SMG1: variants seen among roughly 807,000 people sequenced by gnomAD.
The protein encoded by SMG1 is SMG1 nonsense mediated mRNA decay associated PI3K related kinase.
SMG1 carries 22 observed loss-of-function variants against 419.9 expected under a neutral mutation model. That is an observed-to-expected ratio of 0.05 (90% CI 0.04 to 0.07). The LOEUF (loss-of-function observed/expected upper bound fraction) is 0.07, where lower values mean the gene tolerates loss of function less well. Among genes scored for constraint, SMG1 ranks in the 10% least tolerant of loss-of-function variants. The pLI is 1.00. For missense variants in SMG1, 3,185 were observed against 4,342.0 expected (o/e 0.73, Z 7.49); for synonymous variants, 1,538 against 1,553.5 (o/e 0.99, Z 0.23).
chr16:18,920,257 C>T (rs1191388813), intron 1 of SMG1, among the ~76,000 whole-genome samples: 2 of 151,682 alleles, frequency 1.3e-5, no homozygotes, highest in East Asian at 1.9e-4. Context: ...TGGCACATGC[C>T]GGTAATCTGA....
chr16:18,828,946 C>T (rs2032957991), intron 54 of SMG1, among the ~76,000 whole-genome samples: 3 of 151,172 alleles, frequency 2.0e-5, no homozygotes, highest in African/African-American at 7.3e-5. Context: ...TGCGGTGAGC[C>T]GAGATCGCGC....
Position 18,817,362 on chromosome 16 carries a change from G to C in SMG1, c.10003C>G (p.Gln3335Glu). The change falls in exon 57 of 63, where the codon CAG becomes GAG. Residue 3335 changes from glutamine to glutamate, a missense_variant. Gln to Glu is a conservative substitution (Grantham distance 29, BLOSUM62 2). Coordinates refer to ENST00000446231, the MANE Select transcript of SMG1 (RefSeq NM_015092.5). The part of the protein sequence containing the change: ...ALFELIKRCQ[Q>E]MCSFASQFNS... ...AACTGTGATGCAAACGAACACATCT[G>C]CTGACATCGCTTGATTAGTTCAAAT... The C allele has an allele frequency of 6.2e-7, 1 of 1,611,754 alleles. No individual in the cohort carries two copies. Among genetic ancestry groups the C allele is most frequent in the Non-Finnish European group, 8.5e-7 (1 of 1,178,902 alleles).
Position 18,841,814 on chromosome 16 carries a change from A to G in SMG1, c.6467-20T>C. On this transcript the variant is annotated intron_variant, in intron 40 of 62. Transcript: ENST00000446231. ...CCAGTCCTATGAAAACAAAATTAAA[A>G]TAGCTAGGATAGGTGATTAAACAGG... The G allele has an allele frequency of 6.3e-7, 1 of 1,595,540 alleles. No homozygotes were observed. Among genetic ancestry groups the G allele is most frequent in the Non-Finnish European group, 8.6e-7 (1 of 1,163,276 alleles).
intron 1 of SMG1, among the ~76,000 whole-genome samples, chr16:18,909,179 C>A (rs1044209626): frequency 6.7e-6 from 1 of 150,154 alleles, no homozygotes; most frequent in Non-Finnish European, 1.5e-5. Flanking sequence ...CCTGTCTCCA[C>A]TAAAAATACA....
intron 22 of SMG1, among the ~76,000 whole-genome samples, chr16:18,867,062 GAAAGC>G (rs1830983435): frequency 6.6e-6 from 1 of 152,134 alleles, no homozygotes; most frequent in African/African-American, 2.4e-5. Flanking sequence ...GGAGTAAAAA[GAAAGC>G]AAAAATTAAA....
rs191377002 is a variant in SMG1 at position 18,814,149 on chromosome 16, G to T, written c.10621+1026C>A. ...GTCATTTTTAAAAAGATTATTTAAT[G>T]ACTGAAAAATTATTAACTGGAAAGG... On this transcript the variant is annotated intron_variant, in intron 60 of 62. Coordinates refer to ENST00000446231, the MANE Select transcript of SMG1 (RefSeq NM_015092.5). 4.9e-3 allele frequency among the ~76,000 whole-genome samples: 685 copies of T among 140,668 alleles called. 2 individuals carry two copies. The highest frequency in any genetic ancestry group is 0.025 in the Middle Eastern group (7 of 284). The allele number at this position is 140,668 out of a possible 152,430, so 92.3% of individuals were successfully genotyped here. A position where few individuals can be genotyped will look rare whatever the true frequency, so the allele number is the denominator to read the frequency against.
At position 18,809,656 on chromosome 16, in the gene SMG1, T is replaced by A; in HGVS notation, c.10909-10A>T. 1 of 1,581,270 alleles carries A rather than the reference T, an allele frequency of 6.3e-7. No individual in the cohort carries two copies. Among genetic ancestry groups the A allele is most frequent in the Non-Finnish European group, 8.6e-7 (1 of 1,158,498 alleles). On this transcript the variant is annotated splice_polypyrimidine_tract_variant and intron_variant, in intron 62 of 62. Coordinates refer to ENST00000446231, the MANE Select transcript of SMG1 (RefSeq NM_015092.5). ...TAATGACATAGTCAACCTGTAAAAA[T>A]AGGCAGGATAGTATGTAAAGTCATT...
chr16:18,912,202 G>A (rs866932899), intron 1 of SMG1, among the ~76,000 whole-genome samples: 3 of 125,356 alleles, frequency 2.4e-5, no homozygotes, highest in African/African-American at 9.1e-5. Context: ...TTTTTTTTTT[G>A]AAAAAGAAAA....
At position 18,836,225 on chromosome 16, in the gene SMG1, G is replaced by C. The variant is rs374813959; in HGVS notation, c.7778-13C>G. On this transcript the variant is annotated splice_polypyrimidine_tract_variant and intron_variant, in intron 47 of 62. Transcript: ENST00000446231. Reference sequence around the variant, plus strand: ...TAACTTGGAGGACCTTTTGGTAAAAGACATTATTAAACACAGTAAAACAGG... The same window carrying C: ...TAACTTGGAGGACCTTTTGGTAAAACACATTATTAAACACAGTAAAACAGG... 1.9e-6 allele frequency: 3 copies of C among 1,609,664 alleles called. No individual in the cohort carries two copies. In the African/African-American group the frequency reaches 4.0e-5, roughly 22 times the overall value.
chr16:18,881,100 A>G (rs1267259355), intron 10 of SMG1, among the ~76,000 whole-genome samples: 2 of 151,280 alleles, frequency 1.3e-5, no homozygotes, highest in African/African-American at 2.4e-5. Context: ...CCTGGGTGAC[A>G]GAGTGAGGCT....
At chr16:18,829,843 T>C (rs944458563) in intron 53 of SMG1, 83 bp downstream of exon 53, 3 of 1,426,536 alleles carry the variant, frequency 2.1e-6, no homozygotes, top group Non-Finnish European at 2.8e-6. Flanking sequence ...CATGAATGTA[T>C]AATTAAATTA....
rs368895468 is a variant in SMG1 at position 18,892,287 on chromosome 16, G to A, written c.480C>T (p.Asp160=). ...CAGTAGCCAATCTTCGGTCTCTGTC[G>A]TCTTCCCGGGTGATCCTCCGAAGAA... ...SNLLRRITRE[D]DRDRRLATVK... is the part of the protein sequence containing the mutation. Residue 160 remains aspartate (D), a synonymous_variant, in exon 4 of 63, where the codon GAC becomes GAT. Coordinates refer to ENST00000446231, the MANE Select transcript of SMG1 (RefSeq NM_015092.5). The A allele has an allele frequency of 9.3e-5, 145 of 1,550,942 alleles. No homozygotes were observed. The African/African-American group carries it at 1.3e-3, about 14-fold the overall frequency.
intron 11 of SMG1, 99 bp downstream of exon 11, chr16:18,879,396 T>C (rs936900991): frequency 8.4e-7 from 1 of 1,190,944 alleles, no homozygotes; most frequent in Non-Finnish European, 1.2e-6. Context: ...ATTACAAGCA[T>C]GAGCCACCAT....
chr16:18,837,937 T>C, intron 45 of SMG1, 77 bp downstream of exon 45: 1 of 1,459,502 alleles, frequency 6.9e-7, no homozygotes, highest in South Asian at 1.2e-5. Context: ...AGAAACAATT[T>C]GCCTCAACAT....
Position 18,815,704 on chromosome 16 carries a change from C to T in SMG1, c.10303-53G>A, listed in dbSNP as rs1156580440. On this transcript the variant is annotated intron_variant, in intron 58 of 62. Transcript: ENST00000446231. ...AAAATAGTTTTAGTATCAGTAATTA[C>T]TCTCAAGACAGTCACCTAGTGATTA... 3.4e-6 allele frequency: 5 copies of T among 1,470,002 alleles called. No individual in the cohort carries two copies. The East Asian group carries it at 7.0e-5, about 21-fold the overall frequency. 91.1% of individuals were successfully genotyped at this position (1,470,002 alleles called of 1,614,324 possible).
At chr16:18,902,012 G>A (rs1488705491) in intron 1 of SMG1, among the ~76,000 whole-genome samples, 1 of 151,748 alleles carries the variant, frequency 6.6e-6, no homozygotes. Context: ...TTAGGCCACA[G>A]CAGAGTCTAA....
Position 18,805,611 on chromosome 16 carries a change from C to G in SMG1, c.*3958G>C, listed in dbSNP as rs2030750777. The G allele has an allele frequency of 6.6e-6, 1 of 152,192 alleles. No individual in the cohort carries two copies. Among genetic ancestry groups the G allele is most frequent in the Admixed American group, 6.5e-5 (1 of 15,284 alleles). The allele number at this position is 152,192 out of a possible 1,614,324, so 9.4% of individuals were successfully genotyped here. A position where few individuals can be genotyped will look rare whatever the true frequency, so the allele number is the denominator to read the frequency against. On this transcript the variant is annotated 3_prime_UTR_variant, in exon 63 of 63. Coordinates refer to ENST00000446231, the MANE Select transcript of SMG1 (RefSeq NM_015092.5). ...GTTTCATGATACAGTGAATTTTCCC[C>G]TCCCCAACGTTTGGAAAAAATTGGG...
At position 18,845,410 on chromosome 16, in the gene SMG1, G is replaced by C. The variant is rs751569431; in HGVS notation, c.6219+19C>G. 1.9e-6 allele frequency: 3 copies of C among 1,599,908 alleles called. No individual in the cohort carries two copies. Among genetic ancestry groups the C allele is most frequent in the African/African-American group, 2.7e-5 (2 of 74,554 alleles). ...CTGTGATGTGCCATTTCAGTAGCAT[G>C]CTTGGGATTATTCTGTACCTCTTTA... On this transcript the variant is annotated intron_variant, in intron 39 of 62. Transcript: ENST00000446231.
chr16:18,847,130 A>G (rs1184414077), intron 38 of SMG1, among the ~76,000 whole-genome samples: 4 of 152,234 alleles, frequency 2.6e-5, no homozygotes, highest in Admixed American at 2.0e-4. Flanking sequence ...AAACACAAAA[A>G]GATGGATAGT....
Sources: gnomAD v4.1 joint callset for allele counts (sites outside exome capture counted in the v4.1 genomes callset) on GRCh38, gnomAD v4.1.1 for gene constraint, MANE v1.5 for transcripts, NCBI Gene and HGNC (gene_info 2026-07-23, HGNC 2026-07-21) for gene names.